FMN2: variants seen among roughly 807,000 people sequenced by gnomAD.
The protein encoded by FMN2 is formin 2.
A neutral mutation model predicts 142.3 loss-of-function variants in FMN2; 51 were observed. That is an observed-to-expected ratio of 0.36 (90% CI 0.29 to 0.45). The LOEUF (loss-of-function observed/expected upper bound fraction) is 0.45, where lower values mean the gene tolerates loss of function less well. Among genes scored for constraint, FMN2 ranks in the 20% least tolerant of loss-of-function variants. FMN2 has a pLI of 1.00. For missense variants in FMN2, 1,936 were observed against 2,122.8 expected (o/e 0.91, Z 1.73); for synonymous variants, 882 against 869.8 (o/e 1.01, Z -0.25).
At chr1:240,173,295 C>T (rs901498283) in intron 2 of FMN2, among the ~76,000 whole-genome samples, 7 of 152,080 alleles carry the variant, frequency 4.6e-5, no homozygotes, top group Admixed American at 1.3e-4. Context: ...ATTTACAAGA[C>T]CTGTGTCCAC....
intron 16 of FMN2, among the ~76,000 whole-genome samples, chr1:240,461,410 G>A (rs1447971734): frequency 6.6e-6 from 1 of 152,152 alleles, no homozygotes; most frequent in East Asian, 1.9e-4. Context: ...AGGTCTTGGT[G>A]TTAGCTGCTA....
At chr1:240,461,138 A>G (rs1676435485) in intron 16 of FMN2, among the ~76,000 whole-genome samples, 1 of 151,888 alleles carries the variant, frequency 6.6e-6, no homozygotes, top group African/African-American at 2.4e-5. Context: ...TATCCTTCCT[A>G]TGTGTGTGCA....
chr1:240,338,407 GC>G (rs1412584480), intron 13 of FMN2, among the ~76,000 whole-genome samples: 1 of 152,058 alleles, frequency 6.6e-6, no homozygotes, highest in African/African-American at 2.4e-5. Flanking sequence ...AAACAAATAA[GC>G]TTTTTTAAAA....
chr1:240,429,386 T>TC (rs1675061344), intron 15 of FMN2, among the ~76,000 whole-genome samples: 1 of 152,206 alleles, frequency 6.6e-6, no homozygotes, highest in African/African-American at 2.4e-5. Context: ...TCTCCTGTAT[T>TC]CCGTCTTTTC....
At chr1:240,213,715 A>C (rs1172926620) in intron 6 of FMN2, among the ~76,000 whole-genome samples, 2 of 152,206 alleles carry the variant, frequency 1.3e-5, no homozygotes, top group Non-Finnish European at 1.5e-5. Flanking sequence ...AATTCTTCTT[A>C]TATACAATGG....
intron 2 of FMN2, among the ~76,000 whole-genome samples, chr1:240,158,843 C>T (rs1664142393): frequency 6.6e-6 from 1 of 152,088 alleles, no homozygotes; most frequent in Non-Finnish European, 1.5e-5. Flanking sequence ...GATGTAACAT[C>T]TCTTAAAGAT....
At chr1:240,346,936 T>C (rs1283293514) in intron 13 of FMN2, among the ~76,000 whole-genome samples, 1 of 152,186 alleles carries the variant, frequency 6.6e-6, no homozygotes, top group South Asian at 2.1e-4. Flanking sequence ...TAAAACTTAT[T>C]TGGGAAAAAC....
chr1:240,388,843 CAA>C (rs1673504914), intron 14 of FMN2, among the ~76,000 whole-genome samples: 1 of 109,506 alleles, frequency 9.1e-6, no homozygotes, highest in African/African-American at 3.5e-5. Context: ...TCCTGGGCAA[CAA>C]GAGCAAAACT....
intron 7 of FMN2, among the ~76,000 whole-genome samples, chr1:240,273,068 C>T (rs1365450849): frequency 6.6e-6 from 1 of 152,090 alleles, no homozygotes; most frequent in Non-Finnish European, 1.5e-5. Flanking sequence ...ATAGCAGGCT[C>T]ATTTGAGGAA....
chr1:240,358,752 G>C (rs571736784), intron 14 of FMN2, among the ~76,000 whole-genome samples: 2 of 152,212 alleles, frequency 1.3e-5, no homozygotes, highest in Non-Finnish European at 2.9e-5. Flanking sequence ...CCTCCACCTC[G>C]TCTCTCCCAT....
chr1:240,463,945 G>C (rs1317035438), intron 16 of FMN2, among the ~76,000 whole-genome samples: 1 of 152,124 alleles, frequency 6.6e-6, no homozygotes, highest in Non-Finnish European at 1.5e-5. Context: ...AGAGGTTGTA[G>C]TGAGCTGAGA....
chr1:240,171,330 T>A (rs188249439), intron 2 of FMN2: 1 of 670,158 alleles, frequency 1.5e-6, no homozygotes, highest in African/African-American at 1.8e-5. Context: ...CCTGTCGTGA[T>A]GTGATGGGAG....
At chr1:240,136,783 G>T (rs763342959) in intron 2 of FMN2, among the ~76,000 whole-genome samples, 24 of 151,994 alleles carry the variant, frequency 1.6e-4, no homozygotes, top group Non-Finnish European at 2.6e-4. Context: ...GTATAAAATT[G>T]GGAATCTGGC....
At chr1:240,226,631 A>G (rs533935239) in intron 6 of FMN2, among the ~76,000 whole-genome samples, 1 of 152,330 alleles carries the variant, frequency 6.6e-6, no homozygotes, top group South Asian at 2.1e-4. Flanking sequence ...AAAACATAGT[A>G]TAATTACATA....
At position 240,412,790 on chromosome 1, in the gene FMN2, G is replaced by C. The variant is rs1347207636; in HGVS notation, c.4910+20228G>C. On this transcript the variant is annotated intron_variant, in intron 15 of 17. Coordinates refer to ENST00000319653, the MANE Select transcript of FMN2 (RefSeq NM_020066.5). The stretch of plus-strand genomic sequence containing the variant: ...AATGCTTCCGGAGAAGATCATTATG[G>C]ATGATATGAGTGTGTCTGGTGAAAG... 2.0e-5 allele frequency among the ~76,000 whole-genome samples: 3 copies of C among 152,054 alleles called. No individual in the cohort carries two copies. In the East Asian group the frequency reaches 5.8e-4, roughly 29 times the overall value.
chr1:240,402,036 G>A (rs1674011406), intron 15 of FMN2, among the ~76,000 whole-genome samples: 2 of 152,196 alleles, frequency 1.3e-5, no homozygotes, highest in Non-Finnish European at 2.9e-5. Flanking sequence ...GGCCTTTCTT[G>A]AAGGCTTATT....
rs1039415251 is a variant in FMN2 at position 240,406,841 on chromosome 1, A to G, written c.4910+14279A>G. ...TGTAAGGAAGGAAAATGGAACATTA[A>G]CTTTTTGGGGAGATGGGAAGGGCTA... On this transcript the variant is annotated intron_variant, in intron 15 of 17. Coordinates refer to ENST00000319653, the MANE Select transcript of FMN2 (RefSeq NM_020066.5). Among the ~76,000 whole-genome samples the G allele has an allele frequency of 1.9e-4, 29 of 152,308 alleles. No homozygotes were observed. In the South Asian group the frequency reaches 2.7e-3, roughly 14 times the overall value.
intron 15 of FMN2, among the ~76,000 whole-genome samples, chr1:240,393,543 C>A (rs924860314): frequency 6.6e-6 from 1 of 152,110 alleles, no homozygotes; most frequent in African/African-American, 2.4e-5. Context: ...ATTAATTACC[C>A]AACAGTGGCC....
chr1:240,264,943 G>C (rs1484456142), intron 7 of FMN2, among the ~76,000 whole-genome samples: 1 of 152,044 alleles, frequency 6.6e-6, no homozygotes, highest in Non-Finnish European at 1.5e-5. Flanking sequence ...TTTATAGTAG[G>C]GGGAATTCAG....
Sources: allele counts gnomAD v4.1 joint callset (sites outside exome capture counted in the v4.1 genomes callset), GRCh38; gene constraint gnomAD v4.1.1; transcripts MANE v1.5; gene names NCBI Gene and HGNC (gene_info 2026-07-23, HGNC 2026-07-21).